The following LRP6 variants were observed in gnomAD, a reference collection of about 807,000 sequenced individuals.
LRP6 encodes LDL receptor related protein 6.
Under a neutral mutation model 184.1 loss-of-function variants are expected in LRP6, and 43 were observed. The ratio of observed to expected loss-of-function variants is 0.23; its 90% CI spans 0.18 to 0.30. The LOEUF is 0.30. LRP6 is among the 10% of genes least tolerant of loss of function. The pLI, the probability that LRP6 is intolerant of heterozygous loss-of-function variation, is 1.00. For synonymous variants in LRP6, 719 were observed against 684.9 expected (o/e 1.05, Z -0.78); for missense variants, 1,571 against 2,005.3 (o/e 0.78, Z 4.14).
chr12:12,170,715 A>C (rs1259394043), intron 7 of LRP6, among the ~76,000 whole-genome samples: 5 of 151,672 alleles, frequency 3.3e-5, no homozygotes, highest in Non-Finnish European at 5.9e-5. Flanking sequence ...TAAAGCTTCA[A>C]ACAAATGTCT....
At chr12:12,261,224 TC>T (rs1865607945) in intron 1 of LRP6, among the ~76,000 whole-genome samples, 1 of 151,820 alleles carries the variant, frequency 6.6e-6, no homozygotes, top group Non-Finnish European at 1.5e-5. Context: ...ATCGAGACCA[TC>T]CTGGCTAACA....
At chr12:12,131,017 A>C (rs1949744448) in intron 18 of LRP6, 124 bp from the exon 19 acceptor site, 2 of 675,858 alleles carry the variant, frequency 3.0e-6, no homozygotes, top group Non-Finnish European at 5.4e-6. Flanking sequence ...CTATAACTTA[A>C]ATATTATTCT....
At chr12:12,121,640 A>T (rs1949608496) in intron 22 of LRP6, among the ~76,000 whole-genome samples, 1 of 152,210 alleles carries the variant, frequency 6.6e-6, no homozygotes, top group South Asian at 2.1e-4. Flanking sequence ...AGTGAAAATG[A>T]ACAGGATGGG....
chr12:12,238,512 A>G lies in LRP6; in HGVS notation c.449+5750T>C, dbSNP rs374992804. 2.7e-4 allele frequency among the ~76,000 whole-genome samples: 41 copies of G among 152,276 alleles called. No homozygotes were observed. The South Asian group carries it at 8.5e-3, about 32-fold the overall frequency. On this transcript the variant is annotated intron_variant, in intron 2 of 22. Coordinates refer to ENST00000261349, the MANE Select transcript of LRP6 (RefSeq NM_002336.3). Reference sequence around the variant, plus strand: ...CAAAGCTGCAAAATACCAAAAATCAAGAGAAGCTTTTAAAAACCACAAAAA... The same window carrying G: ...CAAAGCTGCAAAATACCAAAAATCAGGAGAAGCTTTTAAAAACCACAAAAA...
chr12:12,132,902 G>A (rs1250797374), intron 17 of LRP6, among the ~76,000 whole-genome samples: 1 of 152,126 alleles, frequency 6.6e-6, no homozygotes, highest in East Asian at 1.9e-4. Context: ...TGACTGACAG[G>A]TAAATTATAC....
intron 7 of LRP6, among the ~76,000 whole-genome samples, chr12:12,176,578 C>T (rs559037105): frequency 6.6e-6 from 1 of 152,258 alleles, no homozygotes; most frequent in Non-Finnish European, 1.5e-5. Context: ...CCAGAATTCC[C>T]CATTCCTTCT....
At chr12:12,244,826 C>T (rs1253805060) in intron 1 of LRP6, among the ~76,000 whole-genome samples, 171 bp from the exon 2 acceptor site, 1 of 152,132 alleles carries the variant, frequency 6.6e-6, no homozygotes, top group Non-Finnish European at 1.5e-5. Context: ...ATTTTTGCAG[C>T]ATTTAAAAAA....
At chr12:12,212,735 G>GAA (rs1864244340) in intron 2 of LRP6, among the ~76,000 whole-genome samples, 1 of 152,044 alleles carries the variant, frequency 6.6e-6, no homozygotes, top group Non-Finnish European at 1.5e-5. Flanking sequence ...TTCATTAAAT[G>GAA]GTCTCATAGA....
In LRP6 at chr12:12,266,867, G is replaced by A. The variant is rs1015487400; in HGVS notation, c.-132C>T. The stretch of plus-strand genomic sequence containing the variant: ...CCCAGCTTCCCAGCGAGAGAAGAAA[G>A]AAAGGGGCACGTCAAGGTTCCGCGC... On this transcript the variant is annotated 5_prime_UTR_variant, in exon 1 of 23. Transcript: ENST00000261349. 6 of 806,468 alleles carry A rather than the reference G, an allele frequency of 7.4e-6. No homozygotes were observed. The highest frequency in any genetic ancestry group is 3.4e-5 in the African/African-American group (2 of 58,352). 50.0% of individuals were successfully genotyped at this position (806,468 alleles called of 1,614,324 possible).
intron 7 of LRP6, among the ~76,000 whole-genome samples, chr12:12,170,617 T>G (rs1863008554): frequency 6.6e-6 from 1 of 152,110 alleles, no homozygotes; most frequent in South Asian, 2.1e-4. Flanking sequence ...CAGCCTATAA[T>G]AAAATTAATT....
chr12:12,167,442 G>A (rs1045399759), intron 7 of LRP6, among the ~76,000 whole-genome samples: 3 of 152,132 alleles, frequency 2.0e-5, no homozygotes, highest in Non-Finnish European at 4.4e-5. Context: ...AAGAGATGGA[G>A]ACAATCCTGG....
chr12:12,219,274 G>A (rs998241323), intron 2 of LRP6, among the ~76,000 whole-genome samples: 4 of 152,118 alleles, frequency 2.6e-5, no homozygotes, highest in East Asian at 3.9e-4. Context: ...GCACCGTCTC[G>A]GCTCACTGCA....
intron 13 of LRP6, among the ~76,000 whole-genome samples, chr12:12,150,221 A>T (rs952617331): frequency 2.0e-5 from 3 of 152,172 alleles, no homozygotes; most frequent in Non-Finnish European, 4.4e-5. Context: ...TTGGCATGTA[A>T]ATGGGTAAGA....
intron 15 of LRP6, among the ~76,000 whole-genome samples, chr12:12,142,947 G>A (rs1008316008): frequency 6.6e-6 from 1 of 151,996 alleles, no homozygotes; most frequent in African/African-American, 2.4e-5. Flanking sequence ...ATTCAACACT[G>A]TACTGGGGGA....
At chr12:12,215,632 T>TGA (rs1864323479) in intron 2 of LRP6, among the ~76,000 whole-genome samples, 1 of 151,514 alleles carries the variant, frequency 6.6e-6, no homozygotes, top group Non-Finnish European at 1.5e-5. Context: ...ATTACAGGCG[T>TGA]GAGCCACCGT....
intron 1 of LRP6, among the ~76,000 whole-genome samples, chr12:12,251,529 A>G (rs747426178): frequency 6.6e-6 from 1 of 151,640 alleles, no homozygotes; most frequent in Non-Finnish European, 1.5e-5. Flanking sequence ...ACGCACGGCT[A>G]ATTTTTTTTG....
chr12:12,212,975 T>C (rs1229961680), intron 2 of LRP6, among the ~76,000 whole-genome samples: 1 of 152,220 alleles, frequency 6.6e-6, no homozygotes, highest in Non-Finnish European at 1.5e-5. Context: ...TGTGTCACTG[T>C]GGATATTATA....
chr12:12,218,514 A>C (rs1219834580), intron 2 of LRP6, among the ~76,000 whole-genome samples: 3 of 130,260 alleles, frequency 2.3e-5, no homozygotes, highest in Non-Finnish European at 5.1e-5. Flanking sequence ...AATAATAATA[A>C]TAATACTATA....
At chr12:12,146,755 T>C (rs942610907) in intron 15 of LRP6, among the ~76,000 whole-genome samples, 7 of 152,230 alleles carry the variant, frequency 4.6e-5, no homozygotes, top group Non-Finnish European at 1.0e-4. Flanking sequence ...GTGTAAACTT[T>C]CATGGAGAAA....
Sources: gnomAD v4.1 joint callset for allele counts (sites outside exome capture counted in the v4.1 genomes callset) on GRCh38, gnomAD v4.1.1 for gene constraint, MANE v1.5 for transcripts, NCBI Gene and HGNC (gene_info 2026-07-23, HGNC 2026-07-21) for gene names.